Variants in MYB observed in about 807,000 individuals in gnomAD.
The protein encoded by MYB is MYB proto-oncogene, transcription factor.
MYB carries 28 observed loss-of-function variants against 92.9 expected under a neutral mutation model. That is an observed-to-expected ratio of 0.30 (90% CI 0.22 to 0.41). The LOEUF (loss-of-function observed/expected upper bound fraction) is 0.41, where lower values mean the gene tolerates loss of function less well. Among genes scored for constraint, MYB ranks in the 10% least tolerant of loss-of-function variants. The pLI is 1.00. For missense variants in MYB, 679 were observed against 929.3 expected, an observed-to-expected ratio of 0.73 and a Z score of 3.50; for synonymous variants, 295 against 329.1, an observed-to-expected ratio of 0.90 and a Z score of 1.12.
intron 1 of MYB, among the ~76,000 whole-genome samples, chr6:135,184,112 C>A (rs928701780): frequency 6.6e-6 from 1 of 152,104 alleles, no homozygotes; most frequent in African/African-American, 2.4e-5. Flanking sequence ...AATGACTACT[C>A]TGAAAAATGT....
chr6:135,215,218 C>G (rs1475313074), intron 15 of MYB, among the ~76,000 whole-genome samples: 1 of 152,222 alleles, frequency 6.6e-6, no homozygotes, highest in Non-Finnish European at 1.5e-5. Flanking sequence ...AACCCTACCA[C>G]TGTACCCATA....
chr6:135,202,980 C>T, intron 14 of MYB: 1 of 697,234 alleles, frequency 1.4e-6, no homozygotes, highest in Non-Finnish European at 2.6e-6. Context: ...ATGCCTAGAA[C>T]TCTGGGATCC....
At chr6:135,199,423 T>C (rs1777766239) in intron 11 of MYB, 1 of 334,554 alleles carries the variant, frequency 3.0e-6, no homozygotes, top group Non-Finnish European at 4.6e-6. Flanking sequence ...GAGTATGGTT[T>C]CTTACCTAGT....
At chr6:135,194,549 G>A in intron 8 of MYB, 89 bp downstream of exon 8, 1 of 892,920 alleles carries the variant, frequency 1.1e-6, no homozygotes, top group African/African-American at 1.7e-5. Context: ...ATTACACTTA[G>A]CAAGGCTCCA....
chr6:135,194,668 A>G (rs1311608787), intron 8 of MYB: 1 of 572,578 alleles, frequency 1.7e-6, no homozygotes, highest in Admixed American at 3.5e-5. Flanking sequence ...AATTGCAATA[A>G]AAATGCAATA....
chr6:135,206,247 AATT>A (rs1778901547), intron 15 of MYB, among the ~76,000 whole-genome samples: 1 of 147,928 alleles, frequency 6.8e-6, no homozygotes. Context: ...TAATAATAAT[AATT>A]AGCTGGGTGT....
In MYB at chr6:135,194,831, C is replaced by CTATTATTTTCTATTATTTTTT. The variant is rs1251223786; in HGVS notation, c.948+371_948+372insTATTATTTTCTATTATTTTTT. On this transcript the variant is annotated intron_variant, in intron 8 of 15. Transcript: ENST00000341911. ...TGGTTTTTTTCTATTATTTTGTTAA[C>CTATTATTTTCTATTATTTTTT]CTATATTTTCATATTTTATAATTTC... 4.1e-5 allele frequency: 42 copies of CTATTATTTTCTATTATTTTTT among 1,029,928 alleles called. No homozygotes were observed. In the Middle Eastern group the frequency reaches 1.2e-3, roughly 30 times the overall value. The allele number at this position is 1,029,928 out of a possible 1,614,324, so 63.8% of individuals were successfully genotyped here.
rs977597079 is a variant in MYB at position 135,203,118 on chromosome 6, G to C, written c.2062-99G>C. 5 of 868,550 alleles carry C rather than the reference G, an allele frequency of 5.8e-6. No individual in the cohort carries two copies. The African/African-American group carries it at 6.7e-5, about 12-fold the overall frequency. The allele number at this position is 868,550 out of a possible 1,614,324, so 53.8% of individuals were successfully genotyped here. On this transcript the variant is annotated intron_variant, in intron 14 of 15. Transcript: ENST00000341911. ...TGACTGCATTTTTTTATGCTAATGT[G>C]TATCATCTCATAGTAATCTACTCTC...
Position 135,194,830 on chromosome 6 carries a change from ACC to A in MYB, c.948+371_948+372del, listed in dbSNP as rs1777084236. The A allele has an allele frequency of 2.9e-6, 3 of 1,032,040 alleles. No homozygotes were observed. In the South Asian group the frequency reaches 6.0e-5, roughly 21 times the overall value. The allele number at this position is 1,032,040 out of a possible 1,614,324, so 63.9% of individuals were successfully genotyped here. On this transcript the variant is annotated intron_variant, in intron 8 of 15. Coordinates refer to ENST00000341911, the MANE Select transcript of MYB (RefSeq NM_001130173.2). ...TTGGTTTTTTTCTATTATTTTGTTAACCTATATTTTCATATTTTATAATTTCA... is the reference window on the plus strand; with the variant it reads ...TTGGTTTTTTTCTATTATTTTGTTAATATATTTTCATATTTTATAATTTCA...
Position 135,186,012 on chromosome 6 carries a change from C to T in MYB, c.133C>T (p.Arg45Trp), listed in dbSNP as rs1403836963. Reference protein sequence around the residue: ...KRHLGKTRWTREEDEKLKKLV... With the variant: ...KRHLGKTRWTWEEDEKLKKLV... ...TCACTTGGGGAAAACAAGGTGGACC[C>T]GGGAAGAGGTAACTAATCATTTTAT... The change falls in exon 2 of 16, where the codon CGG becomes TGG. Residue 45 changes from arginine to tryptophan, a missense_variant. Around this residue, in one of 8 missense-constraint regions of MYB, gnomAD observed 88 missense variants for 145.6 expected, o/e 0.60. Coordinates refer to ENST00000341911, the MANE Select transcript of MYB (RefSeq NM_001130173.2). 2 of 1,612,858 alleles carry T rather than the reference C, an allele frequency of 1.2e-6. No individual in the cohort carries two copies. The highest frequency in any genetic ancestry group is 1.7e-6 in the Non-Finnish European group (2 of 1,178,986).
At chr6:135,202,067 A>G (rs991360658) in intron 14 of MYB, among the ~76,000 whole-genome samples, 1 of 152,156 alleles carries the variant, frequency 6.6e-6, no homozygotes, top group African/African-American at 2.4e-5. Flanking sequence ...TGTCTTCTAA[A>G]TAATATTGTC....
Position 135,218,571 on chromosome 6 carries a change from T to C in MYB, c.*591T>C, listed in dbSNP as rs1780728567. ...AAATTATTACTGTAAGAAATAGTTT[T>C]ATAAAAAATTATATTTTTATTCAGT... On this transcript the variant is annotated 3_prime_UTR_variant, in exon 16 of 16. Coordinates refer to ENST00000341911, the MANE Select transcript of MYB (RefSeq NM_001130173.2). The C allele has an allele frequency of 5.5e-6, 1 of 181,492 alleles. No homozygotes were observed. The highest frequency in any genetic ancestry group is 2.4e-5 in the African/African-American group (1 of 42,484). The allele number at this position is 181,492 out of a possible 1,614,324, so 11.2% of individuals were successfully genotyped here. A position where few individuals can be genotyped will look rare whatever the true frequency, so the allele number is the denominator to read the frequency against.
intron 8 of MYB, chr6:135,194,938 C>G (rs1409318395): frequency 7.6e-7 from 1 of 1,313,928 alleles, no homozygotes; most frequent in South Asian, 1.2e-5. Context: ...TAGCTGCTCT[C>G]TTTTATTTGC....
At chr6:135,214,047 A>C (rs1334516348) in intron 15 of MYB, among the ~76,000 whole-genome samples, 3 of 151,986 alleles carry the variant, frequency 2.0e-5, no homozygotes, top group Non-Finnish European at 4.4e-5. Context: ...CCAAGGCAGG[A>C]AGATCACCTG....
chr6:135,195,875 C>T lies in MYB; in HGVS notation c.1076C>T (p.Ala359Val), dbSNP rs141379276. 6.8e-6 allele frequency: 11 copies of T among 1,614,030 alleles called. No homozygotes were observed. Among genetic ancestry groups the T allele is most frequent in the African/African-American group, 2.7e-5 (2 of 74,908 alleles). Reference sequence around the variant, plus strand: ...CACCACTCCACTCCATCTCTGCCAGCGGATCCTGGCTCCCTACCTGAAGAA... The same window carrying T: ...CACCACTCCACTCCATCTCTGCCAGTGGATCCTGGCTCCCTACCTGAAGAA... Reference protein sequence around the residue: ...GEHHSTPSLPADPGSLPEESA... With the variant: ...GEHHSTPSLPVDPGSLPEESA... The change falls in exon 9 of 16, where the codon GCG (alanine) becomes GTG (valine). Residue 359 changes from alanine (A) to valine (V), a missense_variant. By Grantham distance (64) the Ala-to-Val change is moderately conservative (BLOSUM62 0). This residue lies in a region of MYB where 56 missense variants were observed against 55.8 expected (regional missense o/e 1.00). Transcript: ENST00000341911.
chr6:135,195,098 G>A lies in MYB; in HGVS notation c.948+638G>A, dbSNP rs150362885. 1.2e-4 allele frequency: 145 copies of A among 1,258,546 alleles called. No individual in the cohort carries two copies. The African/African-American group carries it at 2.0e-3, about 17-fold the overall frequency. The allele number at this position is 1,258,546 out of a possible 1,614,324, so 78.0% of individuals were successfully genotyped here. On this transcript the variant is annotated intron_variant, in intron 8 of 15. Transcript: ENST00000341911. ...TGATGCCCAGTAGGTATTCCTAGGGGTAAATTTATTTTTTGTTAAATAATA... is the reference window on the plus strand; with the variant it reads ...TGATGCCCAGTAGGTATTCCTAGGGATAAATTTATTTTTTGTTAAATAATA...
chr6:135,195,341 C>CG, intron 8 of MYB: 1 of 159,432 alleles, frequency 6.3e-6, no homozygotes, highest in Non-Finnish European at 1.3e-5. Context: ...CAAAGCAACT[C>CG]TAACTCCTGA....
In MYB at chr6:135,217,746, C is replaced by T. The variant is rs1404169206; in HGVS notation, c.2170-118C>T. 6 of 751,510 alleles carry T rather than the reference C, an allele frequency of 8.0e-6. No individual in the cohort carries two copies. In the East Asian group the frequency reaches 1.5e-4, roughly 19 times the overall value. 46.6% of individuals were successfully genotyped at this position (751,510 alleles called of 1,614,324 possible). On this transcript the variant is annotated intron_variant, in intron 15 of 15. Coordinates refer to ENST00000341911, the MANE Select transcript of MYB (RefSeq NM_001130173.2). ...GGGGGCCAGGGAGGTAAGATTCTAT[C>T]TGACAAAGCCTTCCTGGTGTCAACC...
chr6:135,195,763 T>G lies in MYB; in HGVS notation c.964T>G (p.Cys322Gly), dbSNP rs1274003953. Residue 322 changes from cysteine (C) to glycine (G), a missense_variant, in exon 9 of 16, where the codon TGC (cysteine) becomes GGC (glycine). Around this residue, in one of 8 missense-constraint regions of MYB, gnomAD observed 56 missense variants for 55.8 expected, o/e 1.00. Transcript: ENST00000341911. ...CCTTCCTTAGACACAGAACCACACATGCAGCTACCCCGGGTGGCACAGCAC... is the reference window on the plus strand; with the variant it reads ...CCTTCCTTAGACACAGAACCACACAGGCAGCTACCCCGGGTGGCACAGCAC... ...QQVLPTQNHT[C>G]SYPGWHSTTI... 6.2e-7 allele frequency: 1 copy of G among 1,614,114 alleles called. No homozygotes were observed. The highest frequency in any genetic ancestry group is 8.5e-7 in the Non-Finnish European group (1 of 1,180,000).
Sources: gnomAD v4.1 joint callset for allele counts (sites outside exome capture counted in the v4.1 genomes callset) on GRCh38, gnomAD v4.1.1 for gene constraint, gnomAD v4.1.1 regional missense constraint, MANE v1.5 for transcripts, NCBI Gene and HGNC (gene_info 2026-07-23, HGNC 2026-07-21) for gene names.